TASP1: variants seen among roughly 807,000 people sequenced by gnomAD.
TASP1 encodes threonine aspartase 1.
Under a neutral mutation model 56.6 loss-of-function variants are expected in TASP1, and 16 were observed. The ratio of observed to expected loss-of-function variants is 0.28; its 90% confidence interval spans 0.19 to 0.43. The LOEUF (loss-of-function observed/expected upper bound fraction) is 0.43. Ranked by LOEUF, TASP1 falls within the 20% of genes least tolerant of loss-of-function variation. The pLI is 1.00. For missense variants in TASP1, 393 were observed against 511.6 expected, an observed-to-expected ratio of 0.77 and a Z score of 2.24; for synonymous variants, 179 against 184.2, an observed-to-expected ratio of 0.97 and a Z score of 0.23.
the TASP1 span, among the ~76,000 whole-genome samples, chr20:13,209,629 C>A: frequency 1.3e-5 from 2 of 151,982 alleles, no homozygotes; most frequent in Non-Finnish European, 2.9e-5. Flanking sequence ...GTCATGACAC[C>A]CCCGTGGATT....
At chr20:13,425,333 T>C (rs1033213490) in intron 12 of TASP1, among the ~76,000 whole-genome samples, 3 of 152,210 alleles carry the variant, frequency 2.0e-5, no homozygotes, top group African/African-American at 7.2e-5. Context: ...TCATCCTGTT[T>C]AAATTAAGTC....
chr20:13,143,523 T>C, the TASP1 span, among the ~76,000 whole-genome samples: 1 of 152,146 alleles, frequency 6.6e-6, no homozygotes, highest in African/African-American at 2.4e-5. Flanking sequence ...CCCAAGATGG[T>C]AGAGTTTACT....
intron 1 of TASP1, among the ~76,000 whole-genome samples, chr20:13,636,378 T>C (rs2147639455): frequency 6.6e-6 from 1 of 151,234 alleles, no homozygotes; most frequent in African/African-American, 2.4e-5. Context: ...CAGGCTGGTC[T>C]TGAACTCCTG....
the TASP1 span, among the ~76,000 whole-genome samples, chr20:13,249,140 A>G: frequency 1.2e-3 from 183 of 152,320 alleles, 1 homozygote; most frequent in Middle Eastern, 0.017. Flanking sequence ...GAAAAGATAA[A>G]TAAAATAAGG....
intron 10 of TASP1, among the ~76,000 whole-genome samples, chr20:13,522,321 A>G (rs1245408859): frequency 6.6e-6 from 1 of 152,166 alleles, no homozygotes; most frequent in Non-Finnish European, 1.5e-5. Flanking sequence ...GAATGGGGCA[A>G]AAAGCAAGAG....
the TASP1 span, chr20:13,298,895 G>A: frequency 6.3e-7 from 1 of 1,588,008 alleles, no homozygotes; most frequent in Admixed American, 1.7e-5. Context: ...ACCTCCTGTG[G>A]GCCGGTTGTA....
At chr20:13,132,470 C>T in the TASP1 span, among the ~76,000 whole-genome samples, 1 of 152,098 alleles carries the variant, frequency 6.6e-6, no homozygotes, top group Non-Finnish European at 1.5e-5. Flanking sequence ...AGGACCGCAC[C>T]CAGCCGCTTT....
At chr20:13,588,979 C>T (rs1291256903) in intron 4 of TASP1, among the ~76,000 whole-genome samples, 2 of 151,508 alleles carry the variant, frequency 1.3e-5, no homozygotes, top group Non-Finnish European at 2.9e-5. Context: ...AAATGAGAAT[C>T]CAGAAATAAT....
At chr20:13,472,479 C>A (rs2044545039) in intron 11 of TASP1, among the ~76,000 whole-genome samples, 1 of 151,090 alleles carries the variant, frequency 6.6e-6, no homozygotes, top group African/African-American at 2.4e-5. Context: ...CCAAAATTGA[C>A]AAATGGGATC....
chr20:13,257,143 T>C, the TASP1 span, among the ~76,000 whole-genome samples: 1 of 152,222 alleles, frequency 6.6e-6, no homozygotes, highest in Non-Finnish European at 1.5e-5. Context: ...AAGCTCCTCT[T>C]TTTTCAAACA....
chr20:13,450,174 T>C (rs2043564347), intron 11 of TASP1, among the ~76,000 whole-genome samples: 1 of 152,116 alleles, frequency 6.6e-6, no homozygotes, highest in Non-Finnish European at 1.5e-5. Flanking sequence ...AATTTAAAAG[T>C]ACTTTTATTG....
the TASP1 span, among the ~76,000 whole-genome samples, chr20:13,241,653 A>G: frequency 6.6e-6 from 1 of 152,196 alleles, no homozygotes; most frequent in Non-Finnish European, 1.5e-5. Flanking sequence ...GCAGGAGCAC[A>G]AGTAGGACGT....
intron 11 of TASP1, among the ~76,000 whole-genome samples, chr20:13,457,163 C>G (rs1434569979): frequency 6.6e-6 from 1 of 151,984 alleles, no homozygotes; most frequent in Non-Finnish European, 1.5e-5. Flanking sequence ...GGAGAAATAC[C>G]TAATGTAAAT....
intron 6 of TASP1, among the ~76,000 whole-genome samples, chr20:13,577,608 C>T (rs1375008223): frequency 6.6e-6 from 1 of 152,080 alleles, no homozygotes; most frequent in African/African-American, 2.4e-5. Context: ...AAATTTTTCT[C>T]TCTCTCAACA....
At chr20:13,118,456 AAAAC>A in the TASP1 span, among the ~76,000 whole-genome samples, 10 of 151,460 alleles carry the variant, frequency 6.6e-5, no homozygotes, top group South Asian at 2.1e-4. Flanking sequence ...GTGGAAAAAA[AAAAC>A]AAAAAAAAAC....
the TASP1 span, among the ~76,000 whole-genome samples, chr20:13,169,346 C>A: frequency 6.6e-6 from 1 of 152,100 alleles, no homozygotes; most frequent in South Asian, 2.1e-4. Context: ...CAAGTCAGGG[C>A]TCTAGAGAGC....
At chr20:13,465,703 C>T (rs1380812449) in intron 11 of TASP1, among the ~76,000 whole-genome samples, 4 of 152,152 alleles carry the variant, frequency 2.6e-5, no homozygotes, top group South Asian at 2.1e-4. Context: ...TGAATCTCCA[C>T]GGAATTTTGC....
intron 2 of TASP1, among the ~76,000 whole-genome samples, chr20:13,625,875 T>A (rs2048870186): frequency 6.6e-6 from 1 of 152,198 alleles, no homozygotes; most frequent in Non-Finnish European, 1.5e-5. Context: ...TTCCTGGTGG[T>A]CTCTGTCTTT....
intron 10 of TASP1, among the ~76,000 whole-genome samples, chr20:13,489,404 C>A (rs188473855): frequency 3.2e-4 from 49 of 152,224 alleles, no homozygotes; most frequent in African/African-American, 1.2e-3. Context: ...CCATATCTGA[C>A]TAAATCCAAC....
Sources: allele counts gnomAD v4.1 joint callset (sites outside exome capture counted in the v4.1 genomes callset), GRCh38; gene constraint gnomAD v4.1.1; transcripts MANE v1.5; gene names NCBI Gene and HGNC (gene_info 2026-07-23, HGNC 2026-07-21).